The following PARD3B variants were observed in gnomAD, a reference collection of about 807,000 sequenced individuals.
PARD3B encodes par-3 family cell polarity regulator beta, also known as partitioning defective 3 homolog B.
Under a neutral mutation model 130.2 loss-of-function variants are expected in PARD3B, and 103 were observed. The ratio of observed to expected loss-of-function variants is 0.79; its 90% CI spans 0.67 to 0.93. The LOEUF is 0.93. Among genes scored for constraint, PARD3B ranks in the 40% least tolerant of loss-of-function variants. PARD3B has a pLI of 0.00. For missense variants in PARD3B, 1,609 were observed against 1,499.2 expected (o/e 1.07, Z -1.21); for synonymous variants, 583 against 553.2 (o/e 1.05, Z -0.76).
rs1361657316 is a variant in PARD3B at position 204,545,566 on chromosome 2, C to T, written c.-434C>T. Among the ~76,000 whole-genome samples the T allele has an allele frequency of 2.0e-5, 3 of 152,054 alleles. No homozygotes were observed. The highest frequency in any genetic ancestry group is 2.0e-4 in the Admixed American group (3 of 15,270). On this transcript the variant is annotated 5_prime_UTR_variant, in exon 1 of 23. Coordinates refer to ENST00000406610, the MANE Select transcript of PARD3B (RefSeq NM_001302769.2). Reference sequence around the variant, plus strand: ...CTCTGGCCCCGTGCGCCGCCGCCGCCGCCGCCCACTCCAGCCCCCGGCTTG... The same window carrying T: ...CTCTGGCCCCGTGCGCCGCCGCCGCTGCCGCCCACTCCAGCCCCCGGCTTG...
chr2:204,638,436 C>T (rs1224950832), intron 1 of PARD3B, among the ~76,000 whole-genome samples: 5 of 152,140 alleles, frequency 3.3e-5, no homozygotes, highest in African/African-American at 7.2e-5. Flanking sequence ...TGATCTAGCA[C>T]TGCAATGTGC....
Position 205,121,742 on chromosome 2 carries a change from C to T in PARD3B, c.958C>T (p.Pro320Ser), listed in dbSNP as rs1467523570. ...TGGCGTTTTGAAAACCAAAGTGCCG[C>T]CTCCTGTCCATGGAAAATCGGGACT... ...NDGVLKTKVP[P>S]PVHGKSGLKT... The change falls in exon 8 of 23, where the codon CCT becomes TCT. Residue 320 changes from proline (P) to serine (S), a missense_variant. By Grantham distance (74) the Pro-to-Ser change is moderately conservative. Transcript: ENST00000406610. This position sits in a 1 kb window ranked among gnomAD's most constrained non-coding sequence, Gnocchi z 5.0. 9 of 1,614,002 alleles carry T rather than the reference C, an allele frequency of 5.6e-6. No homozygotes were observed. In the African/African-American group the frequency reaches 6.7e-5, roughly 12 times the overall value.
chr2:205,390,586 G>A (rs1322029957), intron 18 of PARD3B, among the ~76,000 whole-genome samples: 1 of 152,148 alleles, frequency 6.6e-6, no homozygotes, highest in Admixed American at 6.5e-5. Flanking sequence ...CCATTAGACT[G>A]GGTCTGGAGC....
chr2:205,520,586 AGGTAATT>A (rs374784140), intron 21 of PARD3B, among the ~76,000 whole-genome samples: 3 of 152,164 alleles, frequency 2.0e-5, no homozygotes, highest in African/African-American at 7.2e-5. Context: ...TAAAATGCTT[AGGTAATT>A]GGTAAAAGTG....
At chr2:204,962,476 T>C (rs1340555775) in intron 2 of PARD3B, among the ~76,000 whole-genome samples, 1 of 152,164 alleles carries the variant, frequency 6.6e-6, no homozygotes, top group Non-Finnish European at 1.5e-5. Context: ...AAGATAACTT[T>C]GAATGGGTTT....
intron 20 of PARD3B, among the ~76,000 whole-genome samples, chr2:205,452,187 G>C (rs1434980995): frequency 1.3e-5 from 2 of 152,188 alleles, no homozygotes; most frequent in Non-Finnish European, 2.9e-5. Context: ...TGTCACGACA[G>C]TTTGTTAATT....
chr2:204,889,517 G>A (rs1209092529), intron 2 of PARD3B, among the ~76,000 whole-genome samples: 5 of 152,154 alleles, frequency 3.3e-5, no homozygotes, highest in Admixed American at 2.0e-4. Context: ...ACCAAACAAA[G>A]TAGGGGGTCC....
rs1367323783 is a variant in PARD3B, at chr2:205,301,707, G to A, written c.2630+6G>A. On this transcript the variant is annotated splice_donor_region_variant and intron_variant, in intron 18 of 22. Coordinates refer to ENST00000406610, the MANE Select transcript of PARD3B (RefSeq NM_001302769.2). The surrounding 1 kb of genome is among the most constrained non-coding windows in gnomAD (Gnocchi z 5.2). ...GGCTTCGGCGCCATGCTGAGGTATG[G>A]GCCTGCTTTGAAGGCAAAGTTGGTT... The A allele has an allele frequency of 1.2e-6, 2 of 1,613,964 alleles. No individual in the cohort carries two copies. Among genetic ancestry groups the A allele is most frequent in the Middle Eastern group, 1.7e-4 (1 of 6,060 alleles).
intron 20 of PARD3B, among the ~76,000 whole-genome samples, chr2:205,488,060 G>A (rs1157489998): frequency 2.6e-5 from 4 of 152,050 alleles, no homozygotes; most frequent in Non-Finnish European, 2.9e-5. Flanking sequence ...TGCTAATTTT[G>A]TTTTGGACCG....
chr2:205,303,903 C>T (rs1268060897), intron 18 of PARD3B, among the ~76,000 whole-genome samples: 1 of 152,134 alleles, frequency 6.6e-6, no homozygotes, highest in African/African-American at 2.4e-5. Flanking sequence ...TGTCTTTACT[C>T]CTATAATTTC....
intron 20 of PARD3B, among the ~76,000 whole-genome samples, chr2:205,480,433 G>A (rs1266055300): frequency 2.6e-5 from 4 of 152,150 alleles, no homozygotes; most frequent in Non-Finnish European, 5.9e-5. Context: ...TGGTGGCACT[G>A]ACCACGGCTT....
chr2:204,874,288 T>C (rs2045752368), intron 2 of PARD3B, among the ~76,000 whole-genome samples: 1 of 152,198 alleles, frequency 6.6e-6, no homozygotes, highest in African/African-American at 2.4e-5. Context: ...GGTACATTAA[T>C]TGATGCTTAT....
rs1056923556 is a variant in PARD3B, at chr2:204,677,205, T to C, written c.121-8976T>C. Reference sequence around the variant, plus strand: ...TAAGGTAAAACTTTTACATAAAATATAGTCTCCAGTGTAATCCAGATACTT... The same window carrying C: ...TAAGGTAAAACTTTTACATAAAATACAGTCTCCAGTGTAATCCAGATACTT... On this transcript the variant is annotated intron_variant, in intron 1 of 22. Coordinates refer to ENST00000406610, the MANE Select transcript of PARD3B (RefSeq NM_001302769.2). The surrounding 1 kb of genome is among the most constrained non-coding windows in gnomAD (Gnocchi z 4.1). Among the ~76,000 whole-genome samples, 2 of 152,182 alleles carry C rather than the reference T, an allele frequency of 1.3e-5. No homozygotes were observed. The highest frequency in any genetic ancestry group is 2.4e-5 in the African/African-American group (1 of 41,448).
chr2:205,026,057 A>C (rs1697005671), intron 3 of PARD3B, among the ~76,000 whole-genome samples: 1 of 152,228 alleles, frequency 6.6e-6, no homozygotes, highest in African/African-American at 2.4e-5. Flanking sequence ...TGTTCTCATG[A>C]AACTTCCCTT....
At chr2:205,420,788 G>C (rs78774550) in intron 19 of PARD3B, among the ~76,000 whole-genome samples, 2 of 152,092 alleles carry the variant, frequency 1.3e-5, no homozygotes. Flanking sequence ...GCAGGTCACC[G>C]TAAATTTTCT....
Position 205,276,567 on chromosome 2 carries a change from C to G in PARD3B, c.2186-23963C>G, listed in dbSNP as rs2040957253. ...CCTTCGGGAGCGGGAGCAGCACCCA[C>G]CATCTCACAAATGGCCCTTCTCGGC... is the stretch of plus-strand genomic sequence containing the variant. On this transcript the variant is annotated intron_variant, in intron 16 of 22. Coordinates refer to ENST00000406610, the MANE Select transcript of PARD3B (RefSeq NM_001302769.2). This position sits in a 1 kb window ranked among gnomAD's most constrained non-coding sequence, Gnocchi z 5.0. Among the ~76,000 whole-genome samples the G allele has an allele frequency of 6.6e-6, 1 of 152,152 alleles. No individual in the cohort carries two copies. Among genetic ancestry groups the G allele is most frequent in the Non-Finnish European group, 1.5e-5 (1 of 68,032 alleles).
intron 21 of PARD3B, among the ~76,000 whole-genome samples, chr2:205,538,472 T>TAC (rs71410824): frequency 0.12 from 17,583 of 150,354 alleles, 1,146 homozygotes; most frequent in African/African-American, 0.17. Context: ...CACGTGTGTG[T>TAC]ACACACACAC....
intron 20 of PARD3B, among the ~76,000 whole-genome samples, chr2:205,478,602 C>T (rs1202381635): frequency 1.3e-5 from 2 of 152,042 alleles, no homozygotes; most frequent in South Asian, 4.1e-4. Context: ...TAGTCCTGCT[C>T]AAGATTTCAG....
chr2:204,993,866 T>G (rs1347469052), intron 3 of PARD3B, among the ~76,000 whole-genome samples: 10 of 151,918 alleles, frequency 6.6e-5, no homozygotes, highest in African/African-American at 2.4e-4. Flanking sequence ...TTTATTTGCG[T>G]AGAGGTGTTT....
Sources: gnomAD v4.1 joint callset for allele counts (sites outside exome capture counted in the v4.1 genomes callset) on GRCh38, gnomAD v4.1.1 for gene constraint, Gnocchi (gnomAD v3.1) non-coding constraint, MANE v1.5 for transcripts, NCBI Gene and HGNC (gene_info 2026-07-23, HGNC 2026-07-21) for gene names.